Variants in SEL1L2 observed in about 807,000 individuals in gnomAD.
SEL1L2 encodes protein sel-1 homolog 2.
A neutral mutation model predicts 98.8 loss-of-function variants in SEL1L2; 89 were observed. The ratio of observed to expected loss-of-function variants is 0.90; its 90% CI spans 0.76 to 1.07. The LOEUF (loss-of-function observed/expected upper bound fraction) is 1.07, where lower values mean the gene tolerates loss of function less well. Among genes scored for constraint, SEL1L2 ranks in the 50% least tolerant of loss-of-function variants. The pLI is 0.00. For missense variants in SEL1L2, 788 were observed against 812.0 expected, an observed-to-expected ratio of 0.97 and a Z score of 0.36; for synonymous variants, 262 against 278.5, an observed-to-expected ratio of 0.94 and a Z score of 0.59.
At chr20:13,931,557 G>A (rs1163186026) in intron 3 of SEL1L2, 46 bp downstream of exon 3, 31 of 1,132,938 alleles carry the variant, frequency 2.7e-5, no homozygotes, top group Non-Finnish European at 3.7e-5. Flanking sequence ...ATTTTATATT[G>A]CATGTAGTCA....
chr20:13,933,471 T>C (rs1219029997), intron 2 of SEL1L2, among the ~76,000 whole-genome samples: 1 of 152,170 alleles, frequency 6.6e-6, no homozygotes, highest in East Asian at 1.9e-4. Flanking sequence ...ATGTTTTACC[T>C]CTACAGATTT....
intron 18 of SEL1L2, among the ~76,000 whole-genome samples, chr20:13,856,611 T>C (rs1989208440): frequency 6.6e-6 from 1 of 152,134 alleles, no homozygotes; most frequent in Non-Finnish European, 1.5e-5. Flanking sequence ...GCTCACTGGC[T>C]GAGACGCTTC....
Position 13,877,689 on chromosome 20 carries a change from A to G in SEL1L2, c.958-101T>C. 3 of 887,570 alleles carry G rather than the reference A, an allele frequency of 3.4e-6. No homozygotes were observed. The East Asian group carries it at 7.5e-5, about 22-fold the overall frequency. The allele number at this position is 887,570 out of a possible 1,614,324, so 55.0% of individuals were successfully genotyped here. A position where few individuals can be genotyped will look rare whatever the true frequency, so the allele number is the denominator to read the frequency against. ...TTCAATATGCATTCAAAAAATATCTATGGTGCTTGCCACTGAGCTTAAAAA... is the reference window on the plus strand; with the variant it reads ...TTCAATATGCATTCAAAAAATATCTGTGGTGCTTGCCACTGAGCTTAAAAA... On this transcript the variant is annotated intron_variant, in intron 10 of 19. Transcript: ENST00000284951.
At chr20:13,975,461 A>G (rs1452585357) in intron 1 of SEL1L2, among the ~76,000 whole-genome samples, 2 of 152,208 alleles carry the variant, frequency 1.3e-5, no homozygotes, top group South Asian at 2.1e-4. Flanking sequence ...AAAATAACAG[A>G]GGTAATACAG....
intron 5 of SEL1L2, among the ~76,000 whole-genome samples, chr20:13,889,726 G>C (rs533611383): frequency 6.6e-6 from 1 of 152,264 alleles, no homozygotes; most frequent in South Asian, 2.1e-4. Flanking sequence ...GGGAGGCGGA[G>C]CTTGCAGTGC....
At chr20:13,923,742 A>G (rs552107799) in intron 3 of SEL1L2, among the ~76,000 whole-genome samples, 2 of 152,340 alleles carry the variant, frequency 1.3e-5, no homozygotes, top group East Asian at 3.9e-4. Flanking sequence ...CGACAGAGTA[A>G]GACTCTTCCT....
chr20:13,858,442 G>C (rs144655483), intron 18 of SEL1L2, among the ~76,000 whole-genome samples: 1 of 152,204 alleles, frequency 6.6e-6, no homozygotes, highest in African/African-American at 2.4e-5. Flanking sequence ...TCCGCAAGCT[G>C]GTTGGCCAAA....
intron 3 of SEL1L2, among the ~76,000 whole-genome samples, chr20:13,926,415 C>T (rs552982241): frequency 3.9e-5 from 6 of 152,308 alleles, no homozygotes; most frequent in Admixed American, 2.6e-4. Context: ...AACTGCGATG[C>T]GGGCTCACTT....
rs776031616 is a variant in SEL1L2 at position 13,990,560 on chromosome 20, T to A, written c.-26A>T. On this transcript the variant is annotated 5_prime_UTR_variant, in exon 1 of 20. Transcript: ENST00000284951. ...CTTCTCTTAAGCAGCTTCTCTTCACTGTAACACAGGCAGAAACTAGGTGAT... is the reference window on the plus strand; with the variant it reads ...CTTCTCTTAAGCAGCTTCTCTTCACAGTAACACAGGCAGAAACTAGGTGAT... 4 of 1,583,916 alleles carry A rather than the reference T, an allele frequency of 2.5e-6. No homozygotes were observed. The highest frequency in any genetic ancestry group is 1.7e-4 in the Middle Eastern group (1 of 5,996).
intron 2 of SEL1L2, among the ~76,000 whole-genome samples, chr20:13,941,439 A>C (rs1239711245): frequency 2.0e-5 from 3 of 152,176 alleles, no homozygotes; most frequent in Non-Finnish European, 4.4e-5. Flanking sequence ...CTTTCCTTTC[A>C]TCAAAGCTCT....
intron 17 of SEL1L2, among the ~76,000 whole-genome samples, chr20:13,860,595 A>G (rs914551614): frequency 6.6e-6 from 1 of 151,994 alleles, no homozygotes; most frequent in African/African-American, 2.4e-5. Flanking sequence ...TCCTCTGCCC[A>G]CTTCCTAAAT....
intron 1 of SEL1L2, among the ~76,000 whole-genome samples, chr20:13,963,061 A>G (rs534500232): frequency 2.5e-4 from 16 of 63,736 alleles, no homozygotes; most frequent in African/African-American, 6.1e-4. Context: ...GCAAGACTCC[A>G]TCTCAAAAAA....
chr20:13,875,536 C>G (rs1168391324), intron 12 of SEL1L2, among the ~76,000 whole-genome samples: 1 of 152,240 alleles, frequency 6.6e-6, no homozygotes, highest in Non-Finnish European at 1.5e-5. Flanking sequence ...GTCTCCAGAT[C>G]CCTATTCTCA....
At position 13,849,327 on chromosome 20, in the gene SEL1L2, G is replaced by A; in HGVS notation, c.*158C>T. On this transcript the variant is annotated 3_prime_UTR_variant, in exon 20 of 20. Coordinates refer to ENST00000284951, the MANE Select transcript of SEL1L2 (RefSeq NM_025229.2). ...TCTACTAAGCAGGAAGTCTGAAGTT[G>A]TTTCTCTAGGATGGTCCCCAAGTCT... 1 of 894,988 alleles carries A rather than the reference G, an allele frequency of 1.1e-6. No homozygotes were observed. The highest frequency in any genetic ancestry group is 1.7e-6 in the Non-Finnish European group (1 of 588,868). 55.4% of individuals were successfully genotyped at this position (894,988 alleles called of 1,614,324 possible). A position where few individuals can be genotyped will look rare whatever the true frequency, so the allele number is the denominator to read the frequency against.
upstream of SEL1L2, among the ~76,000 whole-genome samples, chr20:13,991,870 G>T (rs2052546692): frequency 6.6e-6 from 1 of 152,168 alleles, no homozygotes; most frequent in African/African-American, 2.4e-5. Context: ...GTATGCGCCT[G>T]TAGTTTCAGG....
At chr20:13,860,473 G>C (rs1989929888) in intron 17 of SEL1L2, among the ~76,000 whole-genome samples, 1 of 152,118 alleles carries the variant, frequency 6.6e-6, no homozygotes, top group African/African-American at 2.4e-5. Flanking sequence ...AGCAGCACTG[G>C]AGTGATGGGC....
At chr20:13,903,579 G>A (rs1395210485) in intron 5 of SEL1L2, among the ~76,000 whole-genome samples, 3 of 152,136 alleles carry the variant, frequency 2.0e-5, no homozygotes, top group Admixed American at 6.5e-5. Context: ...TTAGGAGGCC[G>A]AGGCAGGCAG....
In SEL1L2 at chr20:13,886,462, A is replaced by G. The variant is rs745392166; in HGVS notation, c.746-20T>C. ...CAGCAACTGTGAATAAAAACAAGCC[A>G]GAGAATAGCTAGAAAACAGAGGCTG... On this transcript the variant is annotated intron_variant, in intron 8 of 19. Coordinates refer to ENST00000284951, the MANE Select transcript of SEL1L2 (RefSeq NM_025229.2). The G allele has an allele frequency of 1.4e-5, 23 of 1,609,080 alleles. No individual in the cohort carries two copies. Among genetic ancestry groups the G allele is most frequent in the East Asian group, 2.2e-5 (1 of 44,842 alleles).
chr20:13,973,438 GGCTTGGATTT>G (rs1440973930), intron 1 of SEL1L2: 70 of 152,278 alleles, frequency 4.6e-4, no homozygotes, highest in Non-Finnish European at 7.6e-4. Flanking sequence ...CCTCGTGTTA[GGCTTGGATTT>G]TCCGTTAGCC....
Sources: allele counts gnomAD v4.1 joint callset (sites outside exome capture counted in the v4.1 genomes callset), GRCh38; gene constraint gnomAD v4.1.1; transcripts MANE v1.5; gene names NCBI Gene and HGNC (gene_info 2026-07-23, HGNC 2026-07-21).